Variants in OCRL observed in about 807,000 individuals in gnomAD.
OCRL encodes OCRL inositol polyphosphate-5-phosphatase, also known as inositol polyphosphate 5-phosphatase OCRL.
OCRL carries 8 observed loss-of-function variants against 78.9 expected under a neutral mutation model. The ratio of observed to expected loss-of-function variants is 0.10; its 90% confidence interval spans 0.06 to 0.18. The LOEUF (loss-of-function observed/expected upper bound fraction) is 0.18. Ranked by LOEUF, OCRL falls within the 10% of genes least tolerant of loss-of-function variation. OCRL has a pLI of 1.00. For missense variants in OCRL, 454 were observed against 696.7 expected, an observed-to-expected ratio of 0.65 and a Z score of 3.92; for synonymous variants, 240 against 235.4, an observed-to-expected ratio of 1.02 and a Z score of -0.18.
chrX:129,563,838 C>A (rs192244745), intron 12 of OCRL, among the ~76,000 whole-genome samples: 3,114 of 109,872 alleles, frequency 0.028, 116 homozygotes, highest in East Asian at 0.2. Flanking sequence ...TCTAAAACAC[C>A]AAAAGCAATG....
chrX:129,590,244 T>C lies in OCRL; in HGVS notation c.2680T>C (p.Phe894Leu). 1 of 1,211,652 alleles carries C rather than the reference T, an allele frequency of 8.3e-7. No homozygotes were observed. ...RQRAIQFLLGFLLGSEED is the reference protein window; with the variant it reads ...RQRAIQFLLGLLLGSEED Reference sequence around the variant, plus strand: ...GCGTGCTATTCAGTTCCTTCTGGGCTTTCTGCTTGGGAGCGAAGAAGACTA... The same window carrying C: ...GCGTGCTATTCAGTTCCTTCTGGGCCTTCTGCTTGGGAGCGAAGAAGACTA... Residue 894 changes from phenylalanine (F) to leucine (L), a missense_variant, in exon 24 of 24, where the codon TTT (phenylalanine) becomes CTT (leucine). Physicochemically the swap from Phe to Leu is conservative, Grantham distance 22. Transcript: ENST00000371113.
At chrX:129,568,293 ACTAT>A (rs1458337907) in intron 14 of OCRL, among the ~76,000 whole-genome samples, 5 of 111,346 alleles carry the variant, frequency 4.5e-5, no homozygotes, top group Non-Finnish European at 9.4e-5. Flanking sequence ...TCCTCTACCT[ACTAT>A]CTCTTTCTTT....
In OCRL at chrX:129,592,076, A is replaced by G. The variant is rs181944376; in HGVS notation, c.*1806A>G. On this transcript the variant is annotated 3_prime_UTR_variant, in exon 24 of 24. Coordinates refer to ENST00000371113, the MANE Select transcript of OCRL (RefSeq NM_000276.4). ...CTGTGCTGCACGTATGCAGTATCCT[A>G]TCTCTTTCTACATCAGATCAAAACA... 232 of 114,021 alleles carry G rather than the reference A, an allele frequency of 2.0e-3. 2 individuals are homozygous for G. Among genetic ancestry groups the G allele is most frequent in the African/African-American group, 7.4e-3 (227 of 30,826 alleles). 9.4% of individuals were successfully genotyped at this position (114,021 alleles called of 1,213,427 possible).
chrX:129,557,463 C>T, intron 5 of OCRL, 28 bp downstream of exon 5: 1 of 1,145,939 alleles, frequency 8.7e-7, no homozygotes, highest in Non-Finnish European at 1.2e-6. Flanking sequence ...GATTTTCTTT[C>T]TTCTATTTCA....
chrX:129,583,860 G>A (rs973900047), intron 18 of OCRL, among the ~76,000 whole-genome samples: 2 of 111,366 alleles, frequency 1.8e-5, no homozygotes, highest in Non-Finnish European at 3.8e-5. Context: ...GATTGGGTAC[G>A]AGGAGATAGA....
chrX:129,555,411 T>C (rs1055876942), intron 4 of OCRL, among the ~76,000 whole-genome samples: 2 of 111,127 alleles, frequency 1.8e-5, no homozygotes, highest in African/African-American at 6.6e-5. Context: ...GGGGACGAGG[T>C]TGCAGTGAGC....
intron 12 of OCRL, among the ~76,000 whole-genome samples, chrX:129,563,179 G>A (rs770954044): frequency 2.7e-5 from 3 of 111,792 alleles, no homozygotes; most frequent in Non-Finnish European, 5.6e-5. Flanking sequence ...TAACAGTTGG[G>A]TGTGTAGCCT....
chrX:129,582,150 T>C (rs1352384020), intron 18 of OCRL, among the ~76,000 whole-genome samples: 1 of 110,968 alleles, frequency 9.0e-6, no homozygotes, highest in Admixed American at 9.7e-5. Context: ...ATTTACTGTC[T>C]CTGTGCCTTT....
At chrX:129,568,212 G>A (rs12007614) in intron 14 of OCRL, among the ~76,000 whole-genome samples, 6,831 of 111,818 alleles carry the variant, frequency 0.061, 356 homozygotes, top group African/African-American at 0.17. Context: ...CACCGCGCCC[G>A]GCCAGTAGAC....
chrX:129,582,467 G>A (rs933901699), intron 18 of OCRL, among the ~76,000 whole-genome samples: 1 of 112,227 alleles, frequency 8.9e-6, no homozygotes. Context: ...AGCCTGGTTC[G>A]ACAGGTTAGT....
chrX:129,587,783 C>G (rs1936532560), intron 20 of OCRL, among the ~76,000 whole-genome samples: 1 of 108,418 alleles, frequency 9.2e-6, no homozygotes, highest in South Asian at 4.1e-4. Context: ...GCCTGTAATC[C>G]CAGCATTTTG....
intron 18 of OCRL, among the ~76,000 whole-genome samples, chrX:129,581,843 C>G (rs1323869171): frequency 1.0e-5 from 1 of 96,108 alleles, no homozygotes; most frequent in Non-Finnish European, 2.0e-5. Context: ...CTCTCTCTCT[C>G]TCTCTCTCTC....
intron 18 of OCRL, among the ~76,000 whole-genome samples, chrX:129,578,325 A>C (rs1205672360): frequency 1.8e-5 from 2 of 111,207 alleles, no homozygotes; most frequent in Non-Finnish European, 3.8e-5. Flanking sequence ...AGGTCTCTGA[A>C]GTCTCTATTG....
Position 129,540,466 on chromosome X carries a change from C to G in OCRL, c.27C>G (p.Ala9=). 1 of 1,155,452 alleles carries G rather than the reference C, an allele frequency of 8.7e-7. No homozygotes were observed. The highest frequency in any genetic ancestry group is 1.1e-6 in the Non-Finnish European group (1 of 871,330). The part of the protein sequence containing the change: MEPPLPVG[A]QPLATVEGME... ...TGGAGCCGCCGCTCCCGGTCGGAGC[C>G]CAGCCGCTTGCCGTATCCGCCGGAG... The change falls in exon 1 of 24, where the codon GCC becomes GCG. Residue 9 remains alanine (A), a synonymous_variant. Transcript: ENST00000371113.
chrX:129,576,325 G>A lies in OCRL; in HGVS notation c.1888G>A (p.Val630Met). Residue 630 changes from valine to methionine, a missense_variant, in exon 18 of 24, where the codon GTG (valine) becomes ATG (methionine). Val to Met is a conservative substitution (Grantham distance 21). This residue lies in a region of OCRL where 277 missense variants were observed against 517.1 expected (regional missense o/e 0.54). Transcript: ENST00000371113. ...CATCTCTTACATTTCAGATGAGACA[G>A]TGGACATTTCTCTTGATGTGTATGT... ...FEGYLEPNET[V>M]DISLDVYVSK... 1.7e-6 allele frequency: 2 copies of A among 1,204,254 alleles called. No individual in the cohort carries two copies. The highest frequency in any genetic ancestry group is 2.2e-5 in the Admixed American group (1 of 46,030).
rs973164905 is a variant in OCRL, at chrX:129,558,095, C to T, written c.439+145C>T. On this transcript the variant is annotated intron_variant, in intron 6 of 23. Coordinates refer to ENST00000371113, the MANE Select transcript of OCRL (RefSeq NM_000276.4). ...GTTTTATCAAGTCCAGGCCCACTGA[C>T]CAGTGTTCACTCCTTATCCTTCCTG... The T allele has an allele frequency of 9.7e-6, 5 of 517,269 alleles. No individual in the cohort carries two copies. The South Asian group carries it at 1.3e-4, about 13-fold the overall frequency. 42.6% of individuals were successfully genotyped at this position (517,269 alleles called of 1,213,427 possible). A position where few individuals can be genotyped will look rare whatever the true frequency, so the allele number is the denominator to read the frequency against.
At chrX:129,583,250 T>C (rs1391826906) in intron 18 of OCRL, among the ~76,000 whole-genome samples, 1 of 112,203 alleles carries the variant, frequency 8.9e-6, no homozygotes, top group Non-Finnish European at 1.9e-5. Context: ...ACTCTTTCCA[T>C]TAACCACGCT....
chrX:129,582,193 C>T (rs1052713270), intron 18 of OCRL, among the ~76,000 whole-genome samples: 1 of 110,968 alleles, frequency 9.0e-6, no homozygotes, highest in African/African-American at 3.3e-5. Flanking sequence ...TTGTAATATT[C>T]TCTCCCCATC....
rs771070076 is a variant in OCRL, at chrX:129,565,755, A to AT, written c.1245-10dup. The AT allele has an allele frequency of 1.2e-5, 14 of 1,150,058 alleles. No homozygotes were observed. In the African/African-American group the frequency reaches 1.3e-4, roughly 10 times the overall value. 94.8% of individuals were successfully genotyped at this position (1,150,058 alleles called of 1,213,427 possible). A position where few individuals can be genotyped will look rare whatever the true frequency, so the allele number is the denominator to read the frequency against. The stretch of plus-strand genomic sequence containing the variant: ...TGCTAATCGCTACTTCTGTTCATAC[A>AT]TTTTTTTGATCCTTAGGGTTGTCAT... On this transcript the variant is annotated splice_polypyrimidine_tract_variant and intron_variant, in intron 12 of 23. Transcript: ENST00000371113.
Sources: gnomAD v4.1 joint callset for allele counts (sites outside exome capture counted in the v4.1 genomes callset) on GRCh38, gnomAD v4.1.1 for gene constraint, gnomAD v4.1.1 regional missense constraint, MANE v1.5 for transcripts, NCBI Gene and HGNC (gene_info 2026-07-23, HGNC 2026-07-21) for gene names.